The following EYS variants were observed in gnomAD, a reference collection of about 807,000 sequenced individuals.
EYS encodes protein eyes shut homolog.
A neutral mutation model predicts 282.1 loss-of-function variants in EYS; 250 were observed. The ratio of observed to expected loss-of-function variants is 0.89; its 90% CI spans 0.80 to 0.98. The LOEUF is 0.98. Among genes scored for constraint, EYS ranks in the 50% least tolerant of loss-of-function variants. EYS has a pLI of 0.00. For missense variants in EYS, 4,016 were observed against 3,709.0 expected, an observed-to-expected ratio of 1.08 and a Z score of -2.15; for synonymous variants, 1,355 against 1,282.9, an observed-to-expected ratio of 1.06 and a Z score of -1.20.
At chr6:64,503,262 A>C (rs1777109778) in intron 26 of EYS, among the ~76,000 whole-genome samples, 1 of 152,190 alleles carries the variant, frequency 6.6e-6, no homozygotes, top group Admixed American at 6.5e-5. Context: ...AGCCAGTTCA[A>C]AGACAGAGAG....
intron 28 of EYS, among the ~76,000 whole-genome samples, chr6:64,409,406 C>A (rs1271369905): frequency 6.6e-6 from 1 of 152,058 alleles, no homozygotes; most frequent in African/African-American, 2.4e-5. Flanking sequence ...GTAACAAAAA[C>A]AAAAATTGAC....
chr6:64,732,248 G>A (rs894342973), intron 22 of EYS, among the ~76,000 whole-genome samples: 11 of 144,436 alleles, frequency 7.6e-5, no homozygotes, highest in South Asian at 2.2e-4. Context: ...ACCGTGGCAC[G>A]TGTATACCTA....
chr6:64,755,506 A>G (rs1772906508), intron 22 of EYS, among the ~76,000 whole-genome samples: 1 of 129,876 alleles, frequency 7.7e-6, no homozygotes, highest in African/African-American at 2.9e-5. Context: ...ATACACACAC[A>G]CACACACACA....
chr6:64,714,033 T>A (rs747962529), intron 22 of EYS, among the ~76,000 whole-genome samples: 35 of 152,226 alleles, frequency 2.3e-4, no homozygotes, highest in Non-Finnish European at 4.6e-4. Flanking sequence ...AATTTTATAA[T>A]AGCAAGCTAA....
chr6:64,683,097 G>A (rs1769959611), intron 22 of EYS, among the ~76,000 whole-genome samples: 1 of 152,222 alleles, frequency 6.6e-6, no homozygotes, highest in Non-Finnish European at 1.5e-5. Context: ...GTACACTCTA[G>A]GGAAGGCAGA....
chr6:64,636,460 C>A (rs374267196), intron 22 of EYS, among the ~76,000 whole-genome samples: 3 of 152,120 alleles, frequency 2.0e-5, no homozygotes, highest in African/African-American at 2.4e-5. Flanking sequence ...TAAAGACTTA[C>A]ATGTTAGACC....
chr6:64,471,141 A>G (rs1776110547), intron 26 of EYS, among the ~76,000 whole-genome samples: 2 of 152,186 alleles, frequency 1.3e-5, no homozygotes, highest in Admixed American at 6.5e-5. Context: ...AAATTTAAGT[A>G]CCAAAAGAAA....
At chr6:64,910,848 G>T (rs982234674) in intron 16 of EYS, among the ~76,000 whole-genome samples, 53 of 151,966 alleles carry the variant, frequency 3.5e-4, no homozygotes, top group East Asian at 3.9e-4. Context: ...AATAGCAAAA[G>T]AATTTTTAAA....
At chr6:64,584,028 T>A in intron 26 of EYS, among the ~76,000 whole-genome samples, 1 of 152,252 alleles carries the variant, frequency 6.6e-6, no homozygotes, top group East Asian at 1.9e-4. Context: ...CTTACAATAA[T>A]TTTCTATATG....
Position 65,193,017 on chromosome 6 carries a change from T to C in EYS, c.2023+102846A>G, listed in dbSNP as rs553459448. 2.0e-5 allele frequency among the ~76,000 whole-genome samples: 3 copies of C among 151,878 alleles called. No individual in the cohort carries two copies. The South Asian group carries it at 6.2e-4, about 32-fold the overall frequency. On this transcript the variant is annotated intron_variant, in intron 12 of 42. Coordinates refer to ENST00000503581, the MANE Select transcript of EYS (RefSeq NM_001142800.2). ...TGAATATTAGATAAAAATCCTTTCA[T>C]TTGCAACAACATGGATAGAACTGGA...
intron 33 of EYS, 145 bp downstream of exon 33, chr6:64,066,193 G>T: frequency 3.2e-6 from 2 of 620,528 alleles, no homozygotes; most frequent in Non-Finnish European, 5.4e-6. Flanking sequence ...CAGGAGAATC[G>T]CTTGAACCCG....
intron 26 of EYS, among the ~76,000 whole-genome samples, chr6:64,446,923 C>T (rs923675046): frequency 1.3e-5 from 2 of 149,372 alleles, no homozygotes; most frequent in Non-Finnish European, 3.0e-5. Flanking sequence ...ATCCCTTTCT[C>T]CAGGTTTCTT....
chr6:64,864,385 C>CTTTTTTTTTTTT lies in EYS; in HGVS notation c.2992+22300_2992+22311dup, dbSNP rs769240399. ...GAGAAATACAGAGGTGCTATACCTT[C>CTTTTTTTTTTTT]TTTTTTTTTTTTTTTTTTTTTGACA... On this transcript the variant is annotated intron_variant, in intron 19 of 42. Transcript: ENST00000503581. Among the ~76,000 whole-genome samples, 87 of 57,190 alleles carry CTTTTTTTTTTTT rather than the reference C, an allele frequency of 1.5e-3. 14 individuals are homozygous for CTTTTTTTTTTTT. Among genetic ancestry groups the CTTTTTTTTTTTT allele is most frequent in the Non-Finnish European group, 1.9e-3 (53 of 27,920 alleles). The allele number at this position is 57,190 out of a possible 152,430, so 37.5% of individuals were successfully genotyped here. A position where few individuals can be genotyped will look rare whatever the true frequency, so the allele number is the denominator to read the frequency against.
chr6:65,621,153 T>C (rs1295060700), intron 2 of EYS, among the ~76,000 whole-genome samples: 2 of 152,062 alleles, frequency 1.3e-5, no homozygotes, highest in Admixed American at 1.3e-4. Flanking sequence ...GACAGTGGGG[T>C]GTTAAAGTCT....
chr6:65,073,527 G>T (rs905948773), intron 12 of EYS, among the ~76,000 whole-genome samples: 68 of 151,830 alleles, frequency 4.5e-4, no homozygotes, highest in African/African-American at 1.6e-3. Context: ...ATAAAGGAAA[G>T]TGTATTGTAT....
chr6:65,681,509 C>A (rs537316529), intron 1 of EYS, among the ~76,000 whole-genome samples: 3 of 151,896 alleles, frequency 2.0e-5, no homozygotes, highest in Admixed American at 2.0e-4. Flanking sequence ...TTTTGCTTTA[C>A]GTTAATGATC....
chr6:65,485,140 G>T (rs1562213417), intron 5 of EYS, among the ~76,000 whole-genome samples: 1 of 152,050 alleles, frequency 6.6e-6, no homozygotes, highest in Non-Finnish European at 1.5e-5. Context: ...TGTTTCCCTA[G>T]AAAATCAATG....
At position 63,726,242 on chromosome 6, in the gene EYS, A is replaced by G. The variant is rs186732245; in HGVS notation, c.8233+277T>C. On this transcript the variant is annotated intron_variant, in intron 42 of 42. Transcript: ENST00000503581. Reference sequence around the variant, plus strand: ...ATTTTGTCTCCTTTGACATAGTACTATCGTGCATGGCTTTAATGTCTTTTT... The same window carrying G: ...ATTTTGTCTCCTTTGACATAGTACTGTCGTGCATGGCTTTAATGTCTTTTT... Among the ~76,000 whole-genome samples, 9 of 152,258 alleles carry G rather than the reference A, an allele frequency of 5.9e-5. No homozygotes were observed. In the East Asian group the frequency reaches 1.3e-3, roughly 23 times the overall value.
At chr6:65,046,265 A>G (rs1238461871) in intron 13 of EYS, among the ~76,000 whole-genome samples, 2 of 151,872 alleles carry the variant, frequency 1.3e-5, no homozygotes, top group African/African-American at 2.4e-5. Flanking sequence ...ATAGTGCCTA[A>G]ATTTTTATAA....
Sources: allele counts gnomAD v4.1 joint callset (sites outside exome capture counted in the v4.1 genomes callset), GRCh38; gene constraint gnomAD v4.1.1; transcripts MANE v1.5; gene names NCBI Gene and HGNC (gene_info 2026-07-23, HGNC 2026-07-21).